Variants in CLEC19A observed in about 807,000 individuals in gnomAD.
The protein encoded by CLEC19A is C-type lectin domain containing 19A.
Under a neutral mutation model 26.1 loss-of-function variants are expected in CLEC19A, and 21 were observed. That is an observed-to-expected ratio of 0.80 (90% CI 0.57 to 1.16). The LOEUF is 1.16. CLEC19A is among the 50% of genes most tolerant of loss of function. The probability of loss-of-function intolerance (pLI) is 0.00; values close to 1 mark genes in which losing one functional copy is unlikely to be tolerated. For missense variants in CLEC19A, 224 were observed against 227.6 expected, an observed-to-expected ratio of 0.98 and a Z score of 0.10; for synonymous variants, 89 against 88.6, an observed-to-expected ratio of 1.00 and a Z score of -0.03.
chr16:19,295,422 T>C (rs1051615852), intron 1 of CLEC19A, among the ~76,000 whole-genome samples: 3 of 152,102 alleles, frequency 2.0e-5, no homozygotes, highest in African/African-American at 7.2e-5. Context: ...AGTCTAGTCT[T>C]GAACTCCTGG....
chr16:19,309,154 C>A lies in CLEC19A; in HGVS notation c.*71C>A. On this transcript the variant is annotated 3_prime_UTR_variant, in exon 5 of 5. Coordinates refer to ENST00000636231, the MANE Select transcript of CLEC19A (RefSeq NM_001256720.2). Reference sequence around the variant, plus strand: ...GTAGCTGTAACCAGTGTAGAATTGACATTGAATACATGTAAAACATACATA... The same window carrying A: ...GTAGCTGTAACCAGTGTAGAATTGAAATTGAATACATGTAAAACATACATA... 1.8e-6 allele frequency: 2 copies of A among 1,098,330 alleles called. No individual in the cohort carries two copies. Among genetic ancestry groups the A allele is most frequent in the Non-Finnish European group, 2.7e-6 (2 of 740,330 alleles). The allele number at this position is 1,098,330 out of a possible 1,614,324, so 68.0% of individuals were successfully genotyped here.
At chr16:19,289,595 C>T (rs892202490) in intron 1 of CLEC19A, among the ~76,000 whole-genome samples, 2 of 152,202 alleles carry the variant, frequency 1.3e-5, no homozygotes, top group African/African-American at 4.8e-5. Context: ...GTCTCCTCAT[C>T]TGTAAAATGG....
Position 19,307,562 on chromosome 16 carries a change from G to A in CLEC19A, c.366G>A (p.Trp122Ter), listed in dbSNP as rs1897983316. ...HDHRQEGQFE[W>*]TDGSSYDYSY... ...CCTCCCAGGAAGGGCAGTTTGAATG[G>A]ACTGATGGCTCATCCTATGACTACA... The change falls in exon 4 of 5, where the codon TGG (tryptophan) becomes TGA (stop). Residue 122 changes from tryptophan (W) to a stop codon, truncating the protein, a stop_gained. Transcript: ENST00000636231. LOFTEE classifies it high-confidence loss of function. 1 of 1,548,054 alleles carries A rather than the reference G, an allele frequency of 6.5e-7. No homozygotes were observed. The highest frequency in any genetic ancestry group is 1.2e-5 in the South Asian group (1 of 83,958).
chr16:19,289,401 T>A, intron 1 of CLEC19A, among the ~76,000 whole-genome samples: 1 of 152,204 alleles, frequency 6.6e-6, no homozygotes, highest in Admixed American at 6.5e-5. Context: ...AATTGTTACA[T>A]TTGGTGTTTA....
At chr16:19,287,156 C>T (rs926849999) in intron 1 of CLEC19A, among the ~76,000 whole-genome samples, 3 of 151,770 alleles carry the variant, frequency 2.0e-5, no homozygotes, top group African/African-American at 4.8e-5. Flanking sequence ...CTGCGAATAT[C>T]ACAGACTGGG....
chr16:19,304,838 G>A (rs58536649), intron 3 of CLEC19A: 26,618 of 152,368 alleles, frequency 0.17, 2,753 homozygotes, highest in Non-Finnish European at 0.22. Context: ...TCTAAGACAC[G>A]TGAAAGAAGA....
At chr16:19,306,549 T>C (rs1897959761) in intron 3 of CLEC19A, among the ~76,000 whole-genome samples, 1 of 152,194 alleles carries the variant, frequency 6.6e-6, no homozygotes, top group Admixed American at 6.5e-5. Context: ...AAAATTGGAT[T>C]ATAATTACAT....
intron 4 of CLEC19A, 25 bp from the exon 5 acceptor site, chr16:19,308,979 G>C: frequency 6.5e-7 from 1 of 1,544,438 alleles, no homozygotes; most frequent in Non-Finnish European, 8.7e-7. Context: ...TTTTCACCCA[G>C]ATTCTCTGCT....
intron 1 of CLEC19A, among the ~76,000 whole-genome samples, chr16:19,298,025 C>T (rs574408512): frequency 2.0e-5 from 3 of 151,656 alleles, no homozygotes; most frequent in Admixed American, 6.6e-5. Context: ...CCGAGGCGGG[C>T]GGATCACCTG....
At chr16:19,289,626 C>T (rs903181827) in intron 1 of CLEC19A, among the ~76,000 whole-genome samples, 1 of 152,198 alleles carries the variant, frequency 6.6e-6, no homozygotes, top group Non-Finnish European at 1.5e-5. Flanking sequence ...GATACTCCCT[C>T]CTAGGCTGAT....
intron 2 of CLEC19A, chr16:19,303,830 G>A (rs1476218099): frequency 2.5e-6 from 1 of 408,084 alleles, no homozygotes; most frequent in Non-Finnish European, 4.4e-6. Context: ...TAAATTTTTA[G>A]GGATGAGTAG....
rs1278863557 is a variant in CLEC19A, at chr16:19,310,946, T to C, written c.*1863T>C. The C allele has an allele frequency of 6.6e-6, 1 of 152,020 alleles. No homozygotes were observed. Among genetic ancestry groups the C allele is most frequent in the Non-Finnish European group, 1.5e-5 (1 of 68,000 alleles). The allele number at this position is 152,020 out of a possible 1,614,324, so 9.4% of individuals were successfully genotyped here. Reference sequence around the variant, plus strand: ...ATAGTTAAAATGATAAATTTTACATTATATGAATTTTTATTTTTATTTTTT... The same window carrying C: ...ATAGTTAAAATGATAAATTTTACATCATATGAATTTTTATTTTTATTTTTT... On this transcript the variant is annotated 3_prime_UTR_variant, in exon 5 of 5. Coordinates refer to ENST00000636231, the MANE Select transcript of CLEC19A (RefSeq NM_001256720.2).
intron 3 of CLEC19A, among the ~76,000 whole-genome samples, chr16:19,305,420 T>A (rs1897930863): frequency 6.6e-6 from 1 of 152,138 alleles, no homozygotes; most frequent in Admixed American, 6.5e-5. Context: ...CTGAAGAGGA[T>A]AGCTTGGACC....
chr16:19,292,315 G>T (rs751597062), intron 1 of CLEC19A, among the ~76,000 whole-genome samples: 1 of 152,126 alleles, frequency 6.6e-6, no homozygotes, highest in Non-Finnish European at 1.5e-5. Flanking sequence ...GAGTCTGAAG[G>T]TCCCAGGGGA....
chr16:19,291,945 G>A (rs1311708723), intron 1 of CLEC19A, among the ~76,000 whole-genome samples: 1 of 152,178 alleles, frequency 6.6e-6, no homozygotes, highest in Admixed American at 6.5e-5. Flanking sequence ...AAACCTAAAG[G>A]ACCAGAATGG....
intron 1 of CLEC19A, among the ~76,000 whole-genome samples, chr16:19,291,650 G>A (rs180954054): frequency 6.6e-6 from 1 of 152,358 alleles, no homozygotes; most frequent in East Asian, 1.9e-4. Flanking sequence ...CTTCACAAGA[G>A]ACAGATTAGC....
Position 19,309,138 on chromosome 16 carries a change from A to C in CLEC19A, c.*55A>C, listed in dbSNP as rs720473. On this transcript the variant is annotated 3_prime_UTR_variant, in exon 5 of 5. Coordinates refer to ENST00000636231, the MANE Select transcript of CLEC19A (RefSeq NM_001256720.2). ...ACTCTAGTATCATCTTGTAGCTGTA[A>C]CCAGTGTAGAATTGACATTGAATAC... The C allele has an allele frequency of 0.14, 177,498 of 1,313,792 alleles. 14,288 individuals carry two copies. The highest frequency in any genetic ancestry group is 0.3 in the East Asian group (12,096 of 39,708). The allele number at this position is 1,313,792 out of a possible 1,614,324, so 81.4% of individuals were successfully genotyped here.
At chr16:19,308,845 T>C (rs2078498) in intron 4 of CLEC19A, among the ~76,000 whole-genome samples, 159 bp from the exon 5 acceptor site, 45,860 of 151,968 alleles carry the variant, frequency 0.3, 7,327 homozygotes, top group East Asian at 0.51. Context: ...TATGCAAGAG[T>C]AAGGCTGGAC....
chr16:19,290,369 A>T (rs1343128595), intron 1 of CLEC19A, among the ~76,000 whole-genome samples: 1 of 126,876 alleles, frequency 7.9e-6, no homozygotes, highest in Non-Finnish European at 1.6e-5. Flanking sequence ...CACCAGTCTC[A>T]TCTCTTCCCT....
Sources: allele counts gnomAD v4.1 joint callset (sites outside exome capture counted in the v4.1 genomes callset), GRCh38; gene constraint gnomAD v4.1.1; transcripts MANE v1.5; gene names NCBI Gene and HGNC (gene_info 2026-07-23, HGNC 2026-07-21).